PEAK1: variants seen among roughly 807,000 people sequenced by gnomAD.
The protein encoded by PEAK1 is pseudopodium enriched atypical kinase 1.
PEAK1 carries 54 observed loss-of-function variants against 124.7 expected under a neutral mutation model. The ratio of observed to expected loss-of-function variants is 0.43; its 90% CI spans 0.35 to 0.54. The LOEUF (loss-of-function observed/expected upper bound fraction) is 0.54. Ranked by LOEUF, PEAK1 falls within the 20% of genes least tolerant of loss-of-function variation. The pLI is 0.01. For synonymous variants in PEAK1, 719 were observed against 760.0 expected (o/e 0.95, Z 0.89); for missense variants, 2,046 against 2,134.5 (o/e 0.96, Z 0.82).
chr15:77,378,148 T>C (rs1192125952), intron 1 of PEAK1, among the ~76,000 whole-genome samples: 2 of 150,872 alleles, frequency 1.3e-5, no homozygotes, highest in African/African-American at 4.8e-5. Context: ...TTCCTAAAAC[T>C]GTAAGTTTCT....
rs1213561861 is a variant in PEAK1, at chr15:77,313,702, A to ATATATG, written c.-602-27199_-602-27198insCATATA. 8.2e-4 allele frequency among the ~76,000 whole-genome samples: 98 copies of ATATATG among 119,432 alleles called. 2 individuals are homozygous for ATATATG. The highest frequency in any genetic ancestry group is 4.2e-3 in the South Asian group (17 of 4,004). The allele number at this position is 119,432 out of a possible 152,430, so 78.4% of individuals were successfully genotyped here. A position where few individuals can be genotyped will look rare whatever the true frequency, so the allele number is the denominator to read the frequency against. ...TGTGTGTGTGTGTGTGTATATATATATATGTATGTGTGTGTGTGTGTGTGT... is the reference window on the plus strand; with the variant it reads ...TGTGTGTGTGTGTGTGTATATATATATATATGTATGTATGTGTGTGTGTGTGTGTGT... On this transcript the variant is annotated intron_variant, in intron 2 of 9. Coordinates refer to ENST00000682557, the MANE Select transcript of PEAK1 (RefSeq NM_001385026.1).
At chr15:77,383,531 T>G (rs2069664784) in intron 1 of PEAK1, among the ~76,000 whole-genome samples, 1 of 152,216 alleles carries the variant, frequency 6.6e-6, no homozygotes, top group Non-Finnish European at 1.5e-5. Flanking sequence ...CACTAGGGAT[T>G]CAGACTGGGG....
At chr15:77,281,316 T>G (rs1354282689) in intron 5 of PEAK1, among the ~76,000 whole-genome samples, 1 of 152,180 alleles carries the variant, frequency 6.6e-6, no homozygotes, top group African/African-American at 2.4e-5. Flanking sequence ...GAAAAGAAAG[T>G]AAGCCATTGT....
At position 77,254,490 on chromosome 15, in the gene PEAK1, T is replaced by C. The variant is rs549063834; in HGVS notation, c.-274-1964A>G. Among the ~76,000 whole-genome samples the C allele has an allele frequency of 2.6e-5, 4 of 152,256 alleles. No homozygotes were observed. The South Asian group carries it at 8.3e-4, about 32-fold the overall frequency. ...CTCTGTCATCCAGGCTGGAGTACAGTGGCATGATCACGGCTCACTGCATCC... is the reference window on the plus strand; with the variant it reads ...CTCTGTCATCCAGGCTGGAGTACAGCGGCATGATCACGGCTCACTGCATCC... On this transcript the variant is annotated intron_variant, in intron 5 of 9. Transcript: ENST00000682557.
intron 8 of PEAK1, chr15:77,156,896 A>G (rs1280778067): frequency 6.6e-6 from 1 of 152,220 alleles, no homozygotes; most frequent in Non-Finnish European, 1.5e-5. Flanking sequence ...AAGTCCAATA[A>G]GCTGTTTGAT....
At chr15:77,249,655 C>T (rs1042891647) in intron 6 of PEAK1, among the ~76,000 whole-genome samples, 1 of 152,052 alleles carries the variant, frequency 6.6e-6, no homozygotes, top group Non-Finnish European at 1.5e-5. Flanking sequence ...GTGGGAGAAT[C>T]AGTGCAGTTA....
At chr15:77,277,195 A>AT (rs1488840136) in intron 5 of PEAK1, among the ~76,000 whole-genome samples, 5 of 152,308 alleles carry the variant, frequency 3.3e-5, no homozygotes, top group Middle Eastern at 3.4e-3. Flanking sequence ...TCTCAAGGGC[A>AT]TTATGCTGAG....
chr15:77,403,956 T>A, intron 1 of PEAK1: 1 of 966,430 alleles, frequency 1.0e-6, no homozygotes, highest in Non-Finnish European at 1.2e-6. Context: ...GTTGCATGGG[T>A]AAACTGCGTG....
rs978837993 is a variant in PEAK1, at chr15:77,243,479, C to A, written c.-115+8888G>T. Among the ~76,000 whole-genome samples the A allele has an allele frequency of 1.6e-4, 25 of 152,272 alleles. No individual in the cohort carries two copies. The South Asian group carries it at 1.9e-3, about 11-fold the overall frequency. On this transcript the variant is annotated intron_variant, in intron 6 of 9. Coordinates refer to ENST00000682557, the MANE Select transcript of PEAK1 (RefSeq NM_001385026.1). ...GCCTAATTTATTTCCCAGGAAAAAT[C>A]GATCAATGATTTTCTTAATCAGTAG...
At chr15:77,142,211 G>C (rs1207853894) in intron 8 of PEAK1, among the ~76,000 whole-genome samples, 2 of 152,188 alleles carry the variant, frequency 1.3e-5, no homozygotes, top group Non-Finnish European at 1.5e-5. Context: ...TAAATGGCCA[G>C]TGTGTGTGGA....
chr15:77,374,626 C>G (rs562310522), intron 1 of PEAK1, among the ~76,000 whole-genome samples: 1 of 152,142 alleles, frequency 6.6e-6, no homozygotes, highest in African/African-American at 2.4e-5. Context: ...AGGCTCCTTC[C>G]TTTCTGGTAA....
rs1367450985 is a variant in PEAK1, at chr15:77,265,904, C to T, written c.-274-13378G>A. On this transcript the variant is annotated intron_variant, in intron 5 of 9. Coordinates refer to ENST00000682557, the MANE Select transcript of PEAK1 (RefSeq NM_001385026.1). ...GGATTAAGAAAATGTGGCACGTATA[C>T]ACCATGGAATACTATGCAGCCATAA... Among the ~76,000 whole-genome samples the T allele has an allele frequency of 3.9e-5, 6 of 152,304 alleles. No homozygotes were observed. In the East Asian group the frequency reaches 1.2e-3, roughly 29 times the overall value.
At chr15:77,125,262 A>C (rs2052274844) in intron 9 of PEAK1, among the ~76,000 whole-genome samples, 1 of 152,200 alleles carries the variant, frequency 6.6e-6, no homozygotes, top group Non-Finnish European at 1.5e-5. Context: ...AGGGGAGAGG[A>C]AGCATGTTTT....
At chr15:77,216,912 G>A (rs1333949182) in intron 6 of PEAK1, among the ~76,000 whole-genome samples, 1 of 152,096 alleles carries the variant, frequency 6.6e-6, no homozygotes, top group Non-Finnish European at 1.5e-5. Context: ...TACAGGAGAT[G>A]AAACACGGCT....
chr15:77,324,235 T>C (rs1355218809), intron 2 of PEAK1, among the ~76,000 whole-genome samples: 1 of 152,200 alleles, frequency 6.6e-6, no homozygotes, highest in East Asian at 1.9e-4. Flanking sequence ...CCCAGCACTT[T>C]GGGAGGCTGA....
chr15:77,277,906 C>T (rs1378481204), intron 5 of PEAK1, among the ~76,000 whole-genome samples: 1 of 152,060 alleles, frequency 6.6e-6, no homozygotes, highest in Non-Finnish European at 1.5e-5. Flanking sequence ...AGTGAAAATA[C>T]TCTATATGAT....
intron 1 of PEAK1, among the ~76,000 whole-genome samples, chr15:77,413,502 A>G (rs1023419751): frequency 6.6e-6 from 1 of 152,176 alleles, no homozygotes; most frequent in African/African-American, 2.4e-5. Context: ...CATAACCCCA[A>G]TCTAATCATG....
At chr15:77,401,482 T>A in intron 1 of PEAK1, 1 of 949,288 alleles carries the variant, frequency 1.1e-6, no homozygotes, top group Non-Finnish European at 1.3e-6. Context: ...TCTGCACTAG[T>A]CATAATACAA....
chr15:77,102,485 A>G (rs913962161), exon 7 of PEAK1: 1 of 152,254 alleles, frequency 6.6e-6, no homozygotes, highest in Admixed American at 6.5e-5. Context: ...GAGATAAAAC[A>G]TGCATTGACT....
Sources: gnomAD v4.1 joint callset for allele counts (sites outside exome capture counted in the v4.1 genomes callset) on GRCh38, gnomAD v4.1.1 for gene constraint, MANE v1.5 for transcripts, NCBI Gene and HGNC (gene_info 2026-07-23, HGNC 2026-07-21) for gene names.